MUS81: variants seen among roughly 807,000 people sequenced by gnomAD.
MUS81 encodes MUS81 structure-specific endonuclease subunit.
MUS81 carries 69 observed loss-of-function variants against 74.2 expected under a neutral mutation model. The observed-to-expected ratio is 0.93, with a 90% CI of 0.77 to 1.14. The LOEUF (loss-of-function observed/expected upper bound fraction) is 1.14. Ranked by LOEUF, MUS81 falls within the 50% of genes most tolerant of loss-of-function variation. MUS81 has a pLI of 0.00. For missense variants in MUS81, 711 were observed against 726.5 expected (o/e 0.98, Z 0.25); for synonymous variants, 303 against 300.6 (o/e 1.01, Z -0.08).
At chr11:65,867,366 G>A (rs573770407), downstream of MUS81, 28 of 531,154 alleles carry the variant, frequency 5.3e-5, no homozygotes, top group Non-Finnish European at 9.5e-5. Context: ...CTTGGGACTG[G>A]TGGGACCTTT....
At chr11:65,866,913 G>C, downstream of MUS81, 2 of 1,614,068 alleles carry the variant, frequency 1.2e-6, no homozygotes, top group South Asian at 1.1e-5. Context: ...GCTCCCTCCT[G>C]CTCCTCAGAA....
intron 3 of MUS81, 169 bp from the exon 4 acceptor site, chr11:65,861,778 G>A (rs1859616617): frequency 6.2e-6 from 4 of 647,972 alleles, no homozygotes; most frequent in Non-Finnish European, 2.7e-6. Context: ...GAAACTGCCT[G>A]CTGTTTTATC....
At chr11:65,862,584 C>A in intron 6 of MUS81, 55 bp downstream of exon 6, 1 of 1,510,246 alleles carries the variant, frequency 6.6e-7, no homozygotes. Context: ...TTAGTAGGGC[C>A]TTAGAGTCAC....
At position 65,865,269 on chromosome 11, in the gene MUS81, G is replaced by A; in HGVS notation, c.1451G>A (p.Gly484Glu). 1 of 1,614,204 alleles carries A rather than the reference G, an allele frequency of 6.2e-7. No homozygotes were observed. Among genetic ancestry groups the A allele is most frequent in the South Asian group, 1.1e-5 (1 of 91,086 alleles). Reference sequence around the variant, plus strand: ...GCCCGGCAGCTGATGCAGGTGCGCGGAGTGAGTGGGGAGAAGGCAGCAGCC... The same window carrying A: ...GCCCGGCAGCTGATGCAGGTGCGCGAAGTGAGTGGGGAGAAGGCAGCAGCC... Reference protein sequence around the residue: ...VFARQLMQVRGVSGEKAAALV... With the variant: ...VFARQLMQVREVSGEKAAALV... The change falls in exon 14 of 16, where the codon GGA becomes GAA. Residue 484 changes from glycine (G) to glutamate (E), a missense_variant. By Grantham distance (98) the Gly-to-Glu change is moderately conservative. Transcript: ENST00000308110.
Position 65,860,648 on chromosome 11 carries a change from C to T in MUS81, c.-106C>T, listed in dbSNP as rs1283676795. On this transcript the variant is annotated 5_prime_UTR_variant, in exon 1 of 16. Coordinates refer to ENST00000308110, the MANE Select transcript of MUS81 (RefSeq NM_025128.5). ...CTCAACGGTCCTGCCCTCGGTCTCC[C>T]TCTTCCCCCGCCCCGCCCTGGGCCA... 3.4e-6 allele frequency: 5 copies of T among 1,488,644 alleles called. No homozygotes were observed. The highest frequency in any genetic ancestry group is 4.5e-6 in the Non-Finnish European group (5 of 1,107,346). 92.2% of individuals were successfully genotyped at this position (1,488,644 alleles called of 1,614,324 possible). A position where few individuals can be genotyped will look rare whatever the true frequency, so the allele number is the denominator to read the frequency against.
At chr11:65,867,270 G>C (rs1859868516), downstream of MUS81, 1 of 647,764 alleles carries the variant, frequency 1.5e-6, no homozygotes, top group Admixed American at 2.7e-5. Context: ...CCTGCCCTCA[G>C]AAATCTCCTG....
chr11:65,861,703 C>T (rs1358031297), intron 3 of MUS81: 2 of 603,122 alleles, frequency 3.3e-6, no homozygotes, highest in Non-Finnish European at 5.9e-6. Context: ...TGTCTAATTA[C>T]ACCTGTCCTG....
chr11:65,864,474 G>A (rs1369047187), intron 10 of MUS81, 23 bp from the exon 11 acceptor site: 2 of 1,601,380 alleles, frequency 1.2e-6, no homozygotes, highest in African/African-American at 2.7e-5. Flanking sequence ...GACCCTCCCT[G>A]TCCACTCTGT....
chr11:65,861,515 C>T (rs1859605029), intron 3 of MUS81, 80 bp downstream of exon 3: 21 of 1,273,372 alleles, frequency 1.6e-5, no homozygotes, highest in Non-Finnish European at 2.3e-5. Context: ...TTTGGCAAGC[C>T]TGAGTCCAAA....
rs369342224 is a variant in MUS81, at chr11:65,863,052, C to T, written c.606-13C>T. 2 of 1,613,954 alleles carry T rather than the reference C, an allele frequency of 1.2e-6. No homozygotes were observed. Among genetic ancestry groups the T allele is most frequent in the Non-Finnish European group, 1.7e-6 (2 of 1,180,000 alleles). On this transcript the variant is annotated splice_polypyrimidine_tract_variant and intron_variant, in intron 6 of 15. Transcript: ENST00000308110. ...GAAGAAGGTAGAGCTGTGTTGTCCCCTCTGCCTCCCAGGTACTCATTGACC... is the reference window on the plus strand; with the variant it reads ...GAAGAAGGTAGAGCTGTGTTGTCCCTTCTGCCTCCCAGGTACTCATTGACC...
chr11:65,863,312 C>G lies in MUS81; in HGVS notation c.747-98C>G, dbSNP rs76730245. 4.1e-5 allele frequency: 65 copies of G among 1,584,478 alleles called. No individual in the cohort carries two copies. The East Asian group carries it at 1.4e-3, about 35-fold the overall frequency. On this transcript the variant is annotated intron_variant, in intron 7 of 15. Transcript: ENST00000308110. Reference sequence around the variant, plus strand: ...CTGCAGCTGAACTGTGGCTGCCTCCCTACTGTGGGTGGGTGGTGGGTGTCG... The same window carrying G: ...CTGCAGCTGAACTGTGGCTGCCTCCGTACTGTGGGTGGGTGGTGGGTGTCG...
chr11:65,863,154 A>G lies in MUS81; in HGVS notation c.695A>G (p.Lys232Arg), dbSNP rs765478661. The G allele has an allele frequency of 4.2e-5, 68 of 1,613,978 alleles. No individual in the cohort carries two copies. The highest frequency in any genetic ancestry group is 1.7e-4 in the Middle Eastern group (1 of 6,054). ...TTGCTGAATGTGGGCATCGGGCCCA[A>G]GGAGCCCCCTGGGGAGGAGACAGCA... ...LSLLNVGIGP[K>R]EPPGEETAVP... Residue 232 changes from lysine (K) to arginine (R), a missense_variant, in exon 7 of 16, where the codon AAG (lysine) becomes AGG (arginine). Lys to Arg is a conservative substitution (Grantham distance 26). Transcript: ENST00000308110.
intron 2 of MUS81, 96 bp downstream of exon 2, chr11:65,861,198 C>A: frequency 6.3e-7 from 1 of 1,587,090 alleles, no homozygotes; most frequent in Non-Finnish European, 8.6e-7. Context: ...CTCCCCACTC[C>A]TGTCCCAGTT....
At position 65,863,225 on chromosome 11, in the gene MUS81, A is replaced by AG. The variant is rs1304584245; in HGVS notation, c.746+21dup. 2 of 1,605,148 alleles carry AG rather than the reference A, an allele frequency of 1.2e-6. No homozygotes were observed. Among genetic ancestry groups the AG allele is most frequent in the South Asian group, 1.1e-5 (1 of 90,414 alleles). ...AGAGCTGTGAGGAGGAGGGCAGAGG[A>AG]GTGGGGAAAACAGGGAGGAGGGGAT... On this transcript the variant is annotated intron_variant, in intron 7 of 15. Coordinates refer to ENST00000308110, the MANE Select transcript of MUS81 (RefSeq NM_025128.5).
chr11:65,865,843 C>T lies in MUS81; in HGVS notation c.1538C>T (p.Pro513Leu), dbSNP rs780085221. ...LLAAYDACATPKEQETLLSTI... is the reference protein window; with the variant it reads ...LLAAYDACATLKEQETLLSTI... ...GCCGCCTATGATGCCTGTGCCACCC[C>T]CAAGGAACAAGAGACACTGCTGAGC... The change falls in exon 15 of 16, where the codon CCC becomes CTC. Residue 513 changes from proline to leucine, a missense_variant. By Grantham distance (98) the Pro-to-Leu change is moderately conservative. Transcript: ENST00000308110. 2 of 1,614,014 alleles carry T rather than the reference C, an allele frequency of 1.2e-6. No individual in the cohort carries two copies. Among genetic ancestry groups the T allele is most frequent in the African/African-American group, 1.3e-5 (1 of 74,928 alleles).
At chr11:65,861,284 T>G (rs759170958) in intron 2 of MUS81, 66 bp from the exon 3 acceptor site, 99 of 1,538,482 alleles carry the variant, frequency 6.4e-5, no homozygotes, top group Non-Finnish European at 8.7e-5. Context: ...CTGAGTAGGT[T>G]GCATCCCAGA....
chr11:65,865,363 C>G, intron 14 of MUS81, 40 bp downstream of exon 14: 1 of 1,575,084 alleles, frequency 6.3e-7, no homozygotes, highest in East Asian at 2.2e-5. Context: ...CAGCCCCTGC[C>G]CTCCATGCAT....
intron 12 of MUS81, 80 bp downstream of exon 12, chr11:65,864,895 AG>A: frequency 6.3e-7 from 1 of 1,579,636 alleles, no homozygotes; most frequent in East Asian, 2.2e-5. Flanking sequence ...CATCCCCAAA[AG>A]AAGCAAGGTG....
At chr11:65,866,786 C>T (rs1859853635), downstream of MUS81, 2 of 1,186,050 alleles carry the variant, frequency 1.7e-6, no homozygotes, top group South Asian at 2.6e-5. Context: ...CAGCCTGAGG[C>T]TTCCTGCAGT....
Sources: gnomAD v4.1 joint callset for allele counts on GRCh38, gnomAD v4.1.1 for gene constraint, MANE v1.5 for transcripts, NCBI Gene and HGNC (gene_info 2026-07-23, HGNC 2026-07-21) for gene names.